Variants in UBAP1 observed in about 807,000 individuals in gnomAD.
UBAP1 encodes the protein ubiquitin-associated protein 1.
A neutral mutation model predicts 39.0 loss-of-function variants in UBAP1; 5 were observed. That is an observed-to-expected ratio of 0.13 (90% confidence interval 0.07 to 0.27). UBAP1 has a LOEUF of 0.27. Ranked by LOEUF, UBAP1 falls within the 10% of genes least tolerant of loss-of-function variation. The pLI is 1.00. For missense variants in UBAP1, 490 were observed against 608.1 expected, an observed-to-expected ratio of 0.81 and a Z score of 2.04; for synonymous variants, 211 against 225.1, an observed-to-expected ratio of 0.94 and a Z score of 0.56.
At chr9:34,185,766 A>C (rs948520662) in intron 1 of UBAP1, among the ~76,000 whole-genome samples, 2 of 152,008 alleles carry the variant, frequency 1.3e-5, no homozygotes, top group African/African-American at 4.8e-5. Context: ...GAATTGCTTG[A>C]ACCTGGGAGG....
intron 1 of UBAP1, among the ~76,000 whole-genome samples, chr9:34,215,379 A>G (rs1215355609): frequency 3.3e-5 from 5 of 152,088 alleles, no homozygotes; most frequent in African/African-American, 4.8e-5. Flanking sequence ...ATGAATTAGC[A>G]TTTGCAGTGA....
chr9:34,180,956 A>G (rs1587767680), intron 1 of UBAP1, among the ~76,000 whole-genome samples: 1 of 148,856 alleles, frequency 6.7e-6, no homozygotes, highest in South Asian at 2.1e-4. Context: ...GATTATAGAC[A>G]CCCACCACTA....
At chr9:34,209,841 TAA>T (rs1831920302) in intron 1 of UBAP1, among the ~76,000 whole-genome samples, 1 of 152,142 alleles carries the variant, frequency 6.6e-6, no homozygotes, top group African/African-American at 2.4e-5. Flanking sequence ...TGATCATAGA[TAA>T]ATGTATGCAT....
At chr9:34,193,869 AG>A (rs1453162412) in intron 1 of UBAP1, among the ~76,000 whole-genome samples, 1 of 152,100 alleles carries the variant, frequency 6.6e-6, no homozygotes, top group East Asian at 1.9e-4. Context: ...CTCAGGGTAT[AG>A]GGCAGTCCCC....
rs183591707 is a variant in UBAP1, at chr9:34,231,698, G to A, written c.35-2518G>A. On this transcript the variant is annotated intron_variant, in intron 2 of 6. Transcript: ENST00000297661. ...CTCGCTCTGTCACCCAGCCTGGAGT[G>A]CAGTGGTGCGATCTTGACTCACTGC... is the stretch of plus-strand genomic sequence containing the variant. Among the ~76,000 whole-genome samples the A allele has an allele frequency of 9.7e-3, 1,471 of 151,526 alleles. 16 individuals are homozygous for A. Among genetic ancestry groups the A allele is most frequent in the Admixed American group, 0.034 (521 of 15,232 alleles).
At chr9:34,179,329 G>C in intron 1 of UBAP1, 89 bp downstream of exon 1, 1 of 973,226 alleles carries the variant, frequency 1.0e-6, no homozygotes, top group East Asian at 3.5e-5. Flanking sequence ...ACGGGATGGG[G>C]GGCCGAGCGA....
intron 4 of UBAP1, among the ~76,000 whole-genome samples, chr9:34,247,879 C>CATT (rs1834260030): frequency 6.6e-6 from 1 of 152,074 alleles, no homozygotes. Flanking sequence ...TATTGGTTTG[C>CATT]ATTATTATTA....
intron 2 of UBAP1, chr9:34,224,136 T>C: frequency 1.4e-6 from 1 of 737,650 alleles, no homozygotes; most frequent in Non-Finnish European, 2.1e-6. Context: ...AGGAGACTGC[T>C]GATTTTGGCC....
At chr9:34,208,459 A>G (rs1019791605) in intron 1 of UBAP1, among the ~76,000 whole-genome samples, 6 of 151,892 alleles carry the variant, frequency 4.0e-5, no homozygotes, top group African/African-American at 1.5e-4. Context: ...CCTAGCCACC[A>G]TGGTGAAACC....
intron 1 of UBAP1, among the ~76,000 whole-genome samples, chr9:34,217,780 G>A (rs994958312): frequency 3.4e-5 from 1 of 29,406 alleles, no homozygotes; most frequent in African/African-American, 1.1e-4. Flanking sequence ...ACAGGATTTC[G>A]TTCTTTTTTT....
At position 34,222,464 on chromosome 9, in the gene UBAP1, C is replaced by G. The variant is rs551969950; in HGVS notation, c.34+1516C>G. Among the ~76,000 whole-genome samples, 7 of 152,122 alleles carry G rather than the reference C, an allele frequency of 4.6e-5. No homozygotes were observed. The South Asian group carries it at 1.5e-3, about 32-fold the overall frequency. ...ATTTCCTATTATTTATGGATTATTA[C>G]AGGTCTTCTTAAAAGTATTCAAATG... On this transcript the variant is annotated intron_variant, in intron 2 of 6. Transcript: ENST00000297661.
intron 1 of UBAP1, among the ~76,000 whole-genome samples, chr9:34,207,783 G>A (rs1420723879): frequency 1.3e-5 from 2 of 150,588 alleles, no homozygotes; most frequent in Non-Finnish European, 3.0e-5. Flanking sequence ...TATATATGAA[G>A]GCTGTTTCAG....
At chr9:34,207,193 C>T (rs373119995) in intron 1 of UBAP1, among the ~76,000 whole-genome samples, 2 of 150,384 alleles carry the variant, frequency 1.3e-5, no homozygotes, top group South Asian at 2.1e-4. Flanking sequence ...GTTAGGATTA[C>T]GGGCTCCCGC....
intron 1 of UBAP1, among the ~76,000 whole-genome samples, chr9:34,190,822 A>AT (rs1830677296): frequency 1.3e-5 from 1 of 77,298 alleles, no homozygotes; most frequent in African/African-American, 5.4e-5. Flanking sequence ...TTTTTTTTGT[A>AT]TTTTTTGTAG....
At chr9:34,191,933 T>G (rs2131511107) in intron 1 of UBAP1, 1 of 152,160 alleles carries the variant, frequency 6.6e-6, no homozygotes, top group Admixed American at 6.5e-5. Context: ...CTAGTTCAGC[T>G]TTCCTGTTTA....
chr9:34,220,286 G>A (rs893610849), intron 1 of UBAP1, among the ~76,000 whole-genome samples: 3 of 145,160 alleles, frequency 2.1e-5, no homozygotes, highest in African/African-American at 5.2e-5. Context: ...CAAGTAGCTA[G>A]GACAATAGGC....
At chr9:34,188,726 G>A (rs908335201) in intron 1 of UBAP1, among the ~76,000 whole-genome samples, 1 of 152,090 alleles carries the variant, frequency 6.6e-6, no homozygotes, top group Non-Finnish European at 1.5e-5. Context: ...GGAGGCTGAG[G>A]CGTGTGGATC....
intron 3 of UBAP1, among the ~76,000 whole-genome samples, chr9:34,238,125 T>TG (rs35925104): frequency 0.2 from 30,482 of 152,198 alleles, 3,659 homozygotes; most frequent in Non-Finnish European, 0.27. Flanking sequence ...GCAGCCTTGG[T>TG]GACTGGCTTA....
chr9:34,205,370 T>G (rs946052419), intron 1 of UBAP1, among the ~76,000 whole-genome samples: 3 of 152,238 alleles, frequency 2.0e-5, no homozygotes, highest in African/African-American at 4.8e-5. Flanking sequence ...ATTACTTTCC[T>G]GTTCTTCCAT....
Sources: gnomAD v4.1 joint callset for allele counts (sites outside exome capture counted in the v4.1 genomes callset) on GRCh38, gnomAD v4.1.1 for gene constraint, MANE v1.5 for transcripts, NCBI Gene and HGNC (gene_info 2026-07-23, HGNC 2026-07-21) for gene names.